EHBP1: variants seen among roughly 807,000 people sequenced by gnomAD.
EHBP1 encodes EH domain binding protein 1.
A neutral mutation model predicts 144.0 loss-of-function variants in EHBP1; 55 were observed. The ratio of observed to expected loss-of-function variants is 0.38; its 90% CI spans 0.31 to 0.48. EHBP1 has a LOEUF of 0.48. Among genes scored for constraint, EHBP1 ranks in the 20% least tolerant of loss-of-function variants. EHBP1 has a pLI of 0.98. For missense variants in EHBP1, 1,200 were observed against 1,364.2 expected (o/e 0.88, Z 1.90); for synonymous variants, 469 against 472.7 (o/e 0.99, Z 0.10).
intron 14 of EHBP1, among the ~76,000 whole-genome samples, chr2:62,975,884 A>ATG (rs1449427656): frequency 2.4e-5 from 3 of 127,406 alleles, no homozygotes; most frequent in Non-Finnish European, 5.0e-5. Context: ...GGTTTACTGT[A>ATG]TGTACACACA....
chr2:62,696,508 C>CTTTTTTTTTTTTTTT (rs869081763), intron 1 of EHBP1, among the ~76,000 whole-genome samples: 34 of 76,738 alleles, frequency 4.4e-4, no homozygotes, highest in Non-Finnish European at 5.0e-4. Context: ...TTTTTTTCTT[C>CTTTTTTTTTTTTTTT]TTTTTTTTTT....
At chr2:62,680,028 T>TG (rs2033456159) in intron 1 of EHBP1, among the ~76,000 whole-genome samples, 1 of 152,222 alleles carries the variant, frequency 6.6e-6, no homozygotes, top group Non-Finnish European at 1.5e-5. Flanking sequence ...TTCTCCCAAA[T>TG]GTGAGGGATT....
intron 10 of EHBP1, among the ~76,000 whole-genome samples, chr2:62,937,352 A>C (rs1409685996): frequency 6.6e-6 from 1 of 152,232 alleles, no homozygotes; most frequent in Non-Finnish European, 1.5e-5. Context: ...TGGAAGTAAG[A>C]GTACCTATCT....
chr2:63,023,818 A>G lies in EHBP1; in HGVS notation c.3104-13717A>G, dbSNP rs1574513122. On this transcript the variant is annotated intron_variant, in intron 19 of 22. Coordinates refer to ENST00000431489, the MANE Select transcript of EHBP1 (RefSeq NM_001142616.3). ...CTCCATAAGGAAAGTTAAAGATACA[A>G]GTCAAGGAAGACATTTAGATTGATA... is the stretch of plus-strand genomic sequence containing the variant. Among the ~76,000 whole-genome samples the G allele has an allele frequency of 2.0e-5, 3 of 152,368 alleles. No homozygotes were observed. The Middle Eastern group carries it at 0.01, about 518-fold the overall frequency.
intron 2 of EHBP1, among the ~76,000 whole-genome samples, chr2:62,717,482 A>G (rs1405943385): frequency 6.6e-6 from 1 of 152,222 alleles, no homozygotes; most frequent in African/African-American, 2.4e-5. Context: ...GGACTTTTGC[A>G]CATTTGTTAA....
chr2:62,686,357 T>A (rs1309664682), intron 1 of EHBP1, among the ~76,000 whole-genome samples: 2 of 152,218 alleles, frequency 1.3e-5, no homozygotes, highest in Non-Finnish European at 2.9e-5. Flanking sequence ...GCTTTACTCC[T>A]AATTCCAGGG....
chr2:62,757,786 A>G (rs1025227974), intron 3 of EHBP1, among the ~76,000 whole-genome samples: 3 of 151,704 alleles, frequency 2.0e-5, no homozygotes, highest in Admixed American at 6.6e-5. Flanking sequence ...TTCTTTACTG[A>G]TTCTCAGTAT....
At chr2:62,774,415 A>G (rs1337903508) in intron 5 of EHBP1, among the ~76,000 whole-genome samples, 1 of 151,906 alleles carries the variant, frequency 6.6e-6, no homozygotes, top group African/African-American at 2.4e-5. Flanking sequence ...GAAGAAAGAA[A>G]TGTTCTTAGA....
intron 5 of EHBP1, among the ~76,000 whole-genome samples, chr2:62,799,140 G>C (rs1463590084): frequency 6.6e-6 from 1 of 151,990 alleles, no homozygotes; most frequent in Non-Finnish European, 1.5e-5. Flanking sequence ...GGTTAGAGTT[G>C]GTAGTTTATA....
chr2:62,837,373 C>T lies in EHBP1; in HGVS notation c.634+6215C>T, dbSNP rs1268110563. On this transcript the variant is annotated intron_variant, in intron 7 of 22. Transcript: ENST00000431489. ...ATGGAAAGGAACAACCGGTACCAGC[C>T]GCTGCAAAATCATGCCAAAATGTAA... 5.3e-4 allele frequency among the ~76,000 whole-genome samples: 78 copies of T among 147,408 alleles called. 1 individual carries two copies. The highest frequency in any genetic ancestry group is 1.5e-3 in the African/African-American group (59 of 40,080).
chr2:62,952,595 C>A (rs2057450030), intron 13 of EHBP1, among the ~76,000 whole-genome samples: 1 of 152,126 alleles, frequency 6.6e-6, no homozygotes, highest in African/African-American at 2.4e-5. Context: ...ATATATCTTA[C>A]ACCTATCTCT....
At chr2:62,814,763 C>T (rs1194104951) in intron 5 of EHBP1, among the ~76,000 whole-genome samples, 4 of 152,198 alleles carry the variant, frequency 2.6e-5, no homozygotes, top group African/African-American at 9.7e-5. Flanking sequence ...AGGTCCACAT[C>T]TAGAGAATTC....
chr2:62,958,354 T>C (rs567112587), intron 14 of EHBP1, among the ~76,000 whole-genome samples: 158 of 152,320 alleles, frequency 1.0e-3, no homozygotes, highest in African/African-American at 3.4e-3. Context: ...CATCCTGATA[T>C]AGCCATGCAA....
chr2:63,029,328 C>G (rs1037503018), intron 19 of EHBP1, among the ~76,000 whole-genome samples: 1 of 151,910 alleles, frequency 6.6e-6, no homozygotes, highest in African/African-American at 2.4e-5. Context: ...TAATGGAACA[C>G]TAACTATAGA....
intron 1 of EHBP1, among the ~76,000 whole-genome samples, chr2:62,689,208 C>G (rs1273095281): frequency 1.3e-5 from 2 of 152,198 alleles, no homozygotes; most frequent in African/African-American, 4.8e-5. Flanking sequence ...ACTTCAGTGC[C>G]TCCTCAGTGA....
chr2:62,992,196 T>G (rs915052927), intron 16 of EHBP1, among the ~76,000 whole-genome samples: 15 of 152,146 alleles, frequency 9.9e-5, no homozygotes, highest in African/African-American at 3.6e-4. Flanking sequence ...CTGTGTTTGT[T>G]TATTTTGGTA....
rs370667185 is a variant in EHBP1, at chr2:62,835,711, G to A, written c.634+4553G>A. On this transcript the variant is annotated intron_variant, in intron 7 of 22. Coordinates refer to ENST00000431489, the MANE Select transcript of EHBP1 (RefSeq NM_001142616.3). ...CAAGGGGTCAGGGAGTTCCCTTTCC[G>A]AGTCAAAGAAAGGGGTGACGGATGC... is the stretch of plus-strand genomic sequence containing the variant. 3.2e-3 allele frequency among the ~76,000 whole-genome samples: 492 copies of A among 152,204 alleles called. 1 individual carries two copies. The highest frequency in any genetic ancestry group is 5.4e-3 in the Non-Finnish European group (368 of 67,990).
chr2:62,809,723 G>C (rs551497195), intron 5 of EHBP1, among the ~76,000 whole-genome samples: 2 of 152,102 alleles, frequency 1.3e-5, no homozygotes, highest in Non-Finnish European at 1.5e-5. Context: ...TCAATGTTTA[G>C]TTCCCACTGA....
chr2:62,935,292 G>A lies in EHBP1; in HGVS notation c.1186-7426G>A, dbSNP rs371890349. Among the ~76,000 whole-genome samples, 24 of 144,332 alleles carry A rather than the reference G, an allele frequency of 1.7e-4. No homozygotes were observed. The East Asian group carries it at 3.6e-3, about 22-fold the overall frequency. 94.7% of individuals were successfully genotyped at this position (144,332 alleles called of 152,430 possible). On this transcript the variant is annotated intron_variant, in intron 10 of 22. Coordinates refer to ENST00000431489, the MANE Select transcript of EHBP1 (RefSeq NM_001142616.3). Reference sequence around the variant, plus strand: ...TGTAGTTAGCCAAGATCGTGCCAGTGCACTCCAGCCTGGGCGACAGAGCGA... The same window carrying A: ...TGTAGTTAGCCAAGATCGTGCCAGTACACTCCAGCCTGGGCGACAGAGCGA...
Sources: gnomAD v4.1 joint callset for allele counts (sites outside exome capture counted in the v4.1 genomes callset) on GRCh38, gnomAD v4.1.1 for gene constraint, MANE v1.5 for transcripts, NCBI Gene and HGNC (gene_info 2026-07-23, HGNC 2026-07-21) for gene names.